LRWD1: variants seen among roughly 807,000 people sequenced by gnomAD.
LRWD1 encodes leucine rich repeats and WD repeat domain containing 1, also known as leucine-rich repeat and WD repeat-containing protein 1.
LRWD1 carries 76 observed loss-of-function variants against 75.6 expected under a neutral mutation model. The observed-to-expected ratio is 1.01, with a 90% CI of 0.84 to 1.22. The LOEUF (loss-of-function observed/expected upper bound fraction) is 1.22. LRWD1 is among the 50% of genes most tolerant of loss of function. LRWD1 has a pLI of 0.00. For missense variants in LRWD1, 917 were observed against 862.0 expected, an observed-to-expected ratio of 1.06 and a Z score of -0.80; for synonymous variants, 487 against 377.0, an observed-to-expected ratio of 1.29 and a Z score of -3.38.
At chr7:102,466,924 G>A (rs56308176) in intron 3 of LRWD1, among the ~76,000 whole-genome samples, 55,002 of 151,190 alleles carry the variant, frequency 0.36, 10,909 homozygotes, top group Non-Finnish European at 0.46. Flanking sequence ...GGGGCTTTAG[G>A]CGCATGCCAC....
intron 11 of LRWD1, 137 bp from the exon 12 acceptor site, chr7:102,472,081 G>A (rs1028487731): frequency 3.8e-6 from 3 of 780,226 alleles, no homozygotes; most frequent in East Asian, 2.7e-5. Context: ...GGCCAAGAAT[G>A]TATCTCTTTG....
rs1798274505 is a variant in LRWD1, at chr7:102,473,122, G to T, written c.*73G>T. On this transcript the variant is annotated 3_prime_UTR_variant, in exon 15 of 15. Coordinates refer to ENST00000292616, the MANE Select transcript of LRWD1 (RefSeq NM_152892.3). ...AGCTTTGGGCCGATGGGGGTGGGGG[G>T]GGGTCTTTCAGTGAATATTTTTATT... The T allele has an allele frequency of 1.4e-6, 2 of 1,462,682 alleles. No homozygotes were observed. Among genetic ancestry groups the T allele is most frequent in the Non-Finnish European group, 1.8e-6 (2 of 1,084,714 alleles). The allele number at this position is 1,462,682 out of a possible 1,614,324, so 90.6% of individuals were successfully genotyped here. A position where few individuals can be genotyped will look rare whatever the true frequency, so the allele number is the denominator to read the frequency against.
At position 102,472,630 on chromosome 7, in the gene LRWD1, G is replaced by A. The variant is rs200437960; in HGVS notation, c.1690+21G>A. The A allele has an allele frequency of 6.2e-4, 995 of 1,609,462 alleles. 9 individuals are homozygous for A. Among genetic ancestry groups the A allele is most frequent in the Admixed American group, 3.5e-4 (21 of 59,814 alleles). On this transcript the variant is annotated intron_variant, in intron 13 of 14. Transcript: ENST00000292616. Reference sequence around the variant, plus strand: ...CCCTGGTGAGCCTGCCCCCCTGCCCGCCCCATCCCGCGGGCTTCCGGGAGC... The same window carrying A: ...CCCTGGTGAGCCTGCCCCCCTGCCCACCCCATCCCGCGGGCTTCCGGGAGC...
At chr7:102,467,188 G>A (rs745647605) in intron 3 of LRWD1, 151 bp from the exon 4 acceptor site, 6,738 of 609,024 alleles carry the variant, frequency 0.011, 276 homozygotes, top group Non-Finnish European at 0.014. Context: ...GTGTGTGTGT[G>A]TGTGTGTGTG....
In LRWD1 at chr7:102,468,613, C is replaced by T. The variant is rs1205289989; in HGVS notation, c.979C>T (p.Gln327Ter). Residue 327 changes from glutamine (Q) to a stop codon, truncating the protein, a stop_gained, in exon 8 of 15, where the codon CAG becomes TAG. Transcript: ENST00000292616. LOFTEE classifies it high-confidence loss of function. ...GGEAVCVIDC[Q>*]TGIVLHKYKA... Reference sequence around the variant, plus strand: ...GGAGGCTGTGTGCGTAATTGATTGCCAGACGGGCATCGTGCTCCACAAGTA... The same window carrying T: ...GGAGGCTGTGTGCGTAATTGATTGCTAGACGGGCATCGTGCTCCACAAGTA... 1.2e-5 allele frequency: 19 copies of T among 1,577,664 alleles called. 1 individual carries two copies. Among genetic ancestry groups the T allele is most frequent in the Non-Finnish European group, 1.6e-5 (19 of 1,161,642 alleles).
At position 102,468,944 on chromosome 7, in the gene LRWD1, A is replaced by T; in HGVS notation, c.1110A>T (p.Leu370=). Residue 370 remains leucine (L), a synonymous_variant, in exon 9 of 15, where the codon CTA becomes CTT. Coordinates refer to ENST00000292616, the MANE Select transcript of LRWD1 (RefSeq NM_152892.3). ...GGAGTGTGCTGGCGGCTGCAGGCCT[A>T]CGGGGCCTGGTCCGGCTGCTGCACG... ...KRWSVLAAAG[L]RGLVRLLHVR... is the part of the protein sequence containing the mutation. The T allele has an allele frequency of 6.2e-7, 1 of 1,612,680 alleles. No homozygotes were observed. The highest frequency in any genetic ancestry group is 8.5e-7 in the Non-Finnish European group (1 of 1,179,902).
chr7:102,473,040 G>A lies in LRWD1; in HGVS notation c.1935G>A (p.Gly645=), dbSNP rs777914569. The change falls in exon 15 of 15, where the codon GGG becomes GGA. Residue 645 remains glycine (G), a synonymous_variant. Coordinates refer to ENST00000292616, the MANE Select transcript of LRWD1 (RefSeq NM_152892.3). ...ACTCCAACATCGTAGCCATCTGGGG[G>A]AGGATGTAGCCTCACACCATCGCAA... ...LTDSNIVAIW[G]RM is the part of the protein sequence containing the mutation. 1.2e-6 allele frequency: 2 copies of A among 1,613,216 alleles called. No individual in the cohort carries two copies. The highest frequency in any genetic ancestry group is 2.2e-5 in the South Asian group (2 of 91,004).
At position 102,465,131 on chromosome 7, in the gene LRWD1, C is replaced by T. The variant is rs753123067; in HGVS notation, c.51C>T (p.Ser17=). 4.3e-5 allele frequency: 66 copies of T among 1,519,036 alleles called. No individual in the cohort carries two copies. The highest frequency in any genetic ancestry group is 3.4e-4 in the Middle Eastern group (2 of 5,850). 94.1% of individuals were successfully genotyped at this position (1,519,036 alleles called of 1,614,324 possible). ...RLLMQRGRPK[S]DRLGKIRSLD... ...TAATGCAGCGCGGGCGCCCCAAGAGCGACCGGCTGGGGAAGATCCGGAGTC... is the reference window on the plus strand; with the variant it reads ...TAATGCAGCGCGGGCGCCCCAAGAGTGACCGGCTGGGGAAGATCCGGAGTC... The change falls in exon 1 of 15, where the codon AGC becomes AGT. Residue 17 remains serine (S), a synonymous_variant. Transcript: ENST00000292616.
chr7:102,473,133 G>C lies in LRWD1; in HGVS notation c.*84G>C. 1 of 1,432,842 alleles carries C rather than the reference G, an allele frequency of 7.0e-7. No homozygotes were observed. Among genetic ancestry groups the C allele is most frequent in the East Asian group, 2.3e-5 (1 of 43,000 alleles). 88.8% of individuals were successfully genotyped at this position (1,432,842 alleles called of 1,614,324 possible). ...GATGGGGGTGGGGGGGGGTCTTTCA[G>C]TGAATATTTTTATTAAACTCTACTG... On this transcript the variant is annotated 3_prime_UTR_variant, in exon 15 of 15. Transcript: ENST00000292616.
Position 102,467,490 on chromosome 7 carries a change from G to C in LRWD1, c.573+11G>C. 1 of 1,611,464 alleles carries C rather than the reference G, an allele frequency of 6.2e-7. No individual in the cohort carries two copies. Among genetic ancestry groups the C allele is most frequent in the Non-Finnish European group, 8.5e-7 (1 of 1,179,740 alleles). ...TTCACCCAGTGGCGGGTATGTCCCT[G>C]TCCCAATGTGCAGGGAGTCACTGGC... On this transcript the variant is annotated intron_variant, in intron 4 of 14. Coordinates refer to ENST00000292616, the MANE Select transcript of LRWD1 (RefSeq NM_152892.3).
rs150762600 is a variant in LRWD1, at chr7:102,472,592, C to G, written c.1673C>G (p.Ser558Trp). The change falls in exon 13 of 15, where the codon TCG becomes TGG. Residue 558 changes from serine (S) to tryptophan (W), a missense_variant. By Grantham distance (177) the Ser-to-Trp change is radical. Transcript: ENST00000292616. Reference sequence around the variant, plus strand: ...TCGTCCACCGAGTTGGCCTACTTCTCGCTCAGCGCCTGCCCTGGTGAGCCT... The same window carrying G: ...TCGTCCACCGAGTTGGCCTACTTCTGGCTCAGCGCCTGCCCTGGTGAGCCT... ...QWSSTELAYF[S>W]LSACPDKGIV... 1.2e-6 allele frequency: 2 copies of G among 1,608,710 alleles called. No individual in the cohort carries two copies. Among genetic ancestry groups the G allele is most frequent in the South Asian group, 2.2e-5 (2 of 90,768 alleles).
chr7:102,467,149 GTTGTTGCT>G lies in LRWD1; in HGVS notation c.433-189_433-182del, dbSNP rs1459089544. 1.1e-3 allele frequency among the ~76,000 whole-genome samples: 148 copies of G among 131,396 alleles called. 3 individuals are homozygous for G. Among genetic ancestry groups the G allele is most frequent in the Non-Finnish European group, 2.0e-3 (120 of 60,338 alleles). The allele number at this position is 131,396 out of a possible 152,430, so 86.2% of individuals were successfully genotyped here. The stretch of plus-strand genomic sequence containing the variant: ...TGTGTGTGTGTGTGTAGGCACCTGG[GTTGTTGCT>G]GGGGTGTGTGTGGGGTGTGTGTGTG... On this transcript the variant is annotated intron_variant, in intron 3 of 14. Transcript: ENST00000292616.
chr7:102,467,374 G>T lies in LRWD1; in HGVS notation c.468G>T (p.Leu156=). The stretch of plus-strand genomic sequence containing the variant: ...ACTGGGAGAAGTTCATGGCCACACT[G>T]GGTCCTGAAGAGGAGGCTGAGAAGG... The part of the protein sequence containing the change: ...TAHWEKFMAT[L]GPEEEAEKAQ... Residue 156 remains leucine, a synonymous_variant, in exon 4 of 15, where the codon CTG becomes CTT. Transcript: ENST00000292616. 1 of 1,613,110 alleles carries T rather than the reference G, an allele frequency of 6.2e-7. No homozygotes were observed. Among genetic ancestry groups the T allele is most frequent in the South Asian group, 1.1e-5 (1 of 90,910 alleles).
Position 102,473,137 on chromosome 7 carries a change from A to C in LRWD1, c.*88A>C. ...GGGGTGGGGGGGGGTCTTTCAGTGAATATTTTTATTAAACTCTACTGTGGA... is the reference window on the plus strand; with the variant it reads ...GGGGTGGGGGGGGGTCTTTCAGTGACTATTTTTATTAAACTCTACTGTGGA... On this transcript the variant is annotated 3_prime_UTR_variant, in exon 15 of 15. Coordinates refer to ENST00000292616, the MANE Select transcript of LRWD1 (RefSeq NM_152892.3). 3 of 1,403,756 alleles carry C rather than the reference A, an allele frequency of 2.1e-6. No homozygotes were observed. The highest frequency in any genetic ancestry group is 9.7e-7 in the Non-Finnish European group (1 of 1,033,860). 87.0% of individuals were successfully genotyped at this position (1,403,756 alleles called of 1,614,324 possible).
In LRWD1 at chr7:102,468,616, A is replaced by T. The variant is rs749017286; in HGVS notation, c.982A>T (p.Thr328Ser). The change falls in exon 8 of 15, where the codon ACG becomes TCG. Residue 328 changes from threonine to serine, a missense_variant. Transcript: ENST00000292616. The stretch of plus-strand genomic sequence containing the variant: ...GGCTGTGTGCGTAATTGATTGCCAG[A>T]CGGGCATCGTGCTCCACAAGTACAA... ...GEAVCVIDCQ[T>S]GIVLHKYKAP... 120 of 1,576,864 alleles carry T rather than the reference A, an allele frequency of 7.6e-5. No individual in the cohort carries two copies. The highest frequency in any genetic ancestry group is 9.7e-5 in the Non-Finnish European group (113 of 1,161,176).
In LRWD1 at chr7:102,472,809, T is replaced by G; in HGVS notation, c.1803+5T>G. ...GCCCTGCAGGCCCCCACACAGGTAC[T>G]GCCCGGCTCACCCTGCCCAGGCTTG... is the stretch of plus-strand genomic sequence containing the variant. On this transcript the variant is annotated splice_donor_5th_base_variant and intron_variant, in intron 14 of 14. Coordinates refer to ENST00000292616, the MANE Select transcript of LRWD1 (RefSeq NM_152892.3). The G allele has an allele frequency of 1.9e-6, 3 of 1,613,044 alleles. No homozygotes were observed. Among genetic ancestry groups the G allele is most frequent in the African/African-American group, 1.3e-5 (1 of 75,046 alleles).
At position 102,467,454 on chromosome 7, in the gene LRWD1, C is replaced by A. The variant is rs11538920; in HGVS notation, c.548C>A (p.Ser183Tyr). The change falls in exon 4 of 15, where the codon TCC becomes TAC. Residue 183 changes from serine to tyrosine, a missense_variant. Coordinates refer to ENST00000292616, the MANE Select transcript of LRWD1 (RefSeq NM_152892.3). ...AVRDVRYGPESLSEFTQWRVR... is the reference protein window; with the variant it reads ...AVRDVRYGPEYLSEFTQWRVR... ...AGGGATGTCCGCTACGGGCCCGAGTCCCTCAGCGAGTTCACCCAGTGGCGG... is the reference window on the plus strand; with the variant it reads ...AGGGATGTCCGCTACGGGCCCGAGTACCTCAGCGAGTTCACCCAGTGGCGG... The A allele has an allele frequency of 3.5e-5, 57 of 1,613,612 alleles. No individual in the cohort carries two copies. The highest frequency in any genetic ancestry group is 4.1e-5 in the Non-Finnish European group (48 of 1,179,986).
At position 102,468,925 on chromosome 7, in the gene LRWD1, TGCTG is replaced by T; in HGVS notation, c.1094_1097del (p.Leu365ArgfsTer141). The stretch of plus-strand genomic sequence containing the variant: ...GCTGGCCACAAGAAGCGCTGGAGTG[TGCTG>T]GCGGCTGCAGGCCTACGGGGCCTGG... On this transcript the variant is annotated frameshift_variant, in exon 9 of 15. Transcript: ENST00000292616. LOFTEE classifies it high-confidence loss of function. The T allele has an allele frequency of 6.2e-7, 1 of 1,612,726 alleles. No homozygotes were observed. Among genetic ancestry groups the T allele is most frequent in the Non-Finnish European group, 8.5e-7 (1 of 1,179,922 alleles).
Position 102,464,997 on chromosome 7 carries a change from G to A in LRWD1, c.-84G>A, listed in dbSNP as rs1797912285. 7.4e-7 allele frequency: 1 copy of A among 1,355,284 alleles called. No homozygotes were observed. The highest frequency in any genetic ancestry group is 9.6e-7 in the Non-Finnish European group (1 of 1,045,596). The allele number at this position is 1,355,284 out of a possible 1,614,324, so 84.0% of individuals were successfully genotyped here. A position where few individuals can be genotyped will look rare whatever the true frequency, so the allele number is the denominator to read the frequency against. ...CCTCCTGGGCTCAGTTACCGCGGAC[G>A]CCAGTGCCGGGCTCCAGGAGACGCA... On this transcript the variant is annotated 5_prime_UTR_variant, in exon 1 of 15. Coordinates refer to ENST00000292616, the MANE Select transcript of LRWD1 (RefSeq NM_152892.3).
Sources: gnomAD v4.1 joint callset for allele counts (sites outside exome capture counted in the v4.1 genomes callset) on GRCh38, gnomAD v4.1.1 for gene constraint, MANE v1.5 for transcripts, NCBI Gene and HGNC (gene_info 2026-07-23, HGNC 2026-07-21) for gene names.